Variants in PLCE1 observed in about 807,000 individuals in gnomAD.
PLCE1 encodes the protein 1-phosphatidylinositol 4,5-bisphosphate phosphodiesterase epsilon-1.
Under a neutral mutation model 242.8 loss-of-function variants are expected in PLCE1, and 119 were observed. That is an observed-to-expected ratio of 0.49 (90% confidence interval 0.42 to 0.57). The LOEUF (loss-of-function observed/expected upper bound fraction) is 0.57. PLCE1 is among the 20% of genes least tolerant of loss of function. The pLI, the probability that PLCE1 is intolerant of heterozygous loss-of-function variation, is 0.00. For synonymous variants in PLCE1, 945 were observed against 1,017.4 expected (o/e 0.93, Z 1.35); for missense variants, 2,441 against 2,788.8 (o/e 0.88, Z 2.81).
At chr10:94,219,498 G>A (rs1446406373) in intron 4 of PLCE1, among the ~76,000 whole-genome samples, 1 of 152,132 alleles carries the variant, frequency 6.6e-6, no homozygotes, top group African/African-American at 2.4e-5. Context: ...CCAACAAAAA[G>A]GTTGTCTCTT....
chr10:94,005,152 G>A (rs969472723), intron 1 of PLCE1, among the ~76,000 whole-genome samples: 2 of 152,142 alleles, frequency 1.3e-5, no homozygotes, highest in Non-Finnish European at 2.9e-5. Flanking sequence ...CTGGAAGCAA[G>A]GGCTGCTGGG....
rs10636243 is a variant in PLCE1 at position 94,179,530 on chromosome 10, T to TTTTTA, written c.1809+8034_1809+8035insTTTTA. The stretch of plus-strand genomic sequence containing the variant: ...TAGTTTAGTTTTTTTTTTTTTTTTT[T>TTTTTA]GACAGGGTCTCTGTTGCCCAGGCTG... On this transcript the variant is annotated intron_variant, in intron 4 of 32. Transcript: ENST00000371380. Among the ~76,000 whole-genome samples the TTTTTA allele has an allele frequency of 1.1e-4, 13 of 118,820 alleles. 1 individual carries two copies. Among genetic ancestry groups the TTTTTA allele is most frequent in the African/African-American group, 2.3e-4 (7 of 30,978 alleles). 78.0% of individuals were successfully genotyped at this position (118,820 alleles called of 152,430 possible).
chr10:94,240,840 A>G (rs1245578648), intron 7 of PLCE1, among the ~76,000 whole-genome samples: 1 of 152,170 alleles, frequency 6.6e-6, no homozygotes, highest in Admixed American at 6.5e-5. Context: ...AAGGCATACA[A>G]CCTGAGTTTG....
chr10:94,263,330 A>G (rs2051379921), intron 14 of PLCE1, among the ~76,000 whole-genome samples: 1 of 151,876 alleles, frequency 6.6e-6, no homozygotes, highest in South Asian at 2.1e-4. Flanking sequence ...TCTGGCCAAC[A>G]TGGTGAAACT....
At chr10:94,151,582 C>G (rs1239939723) in intron 3 of PLCE1, among the ~76,000 whole-genome samples, 3 of 152,146 alleles carry the variant, frequency 2.0e-5, no homozygotes, top group Non-Finnish European at 4.4e-5. Context: ...GGTGAGAGGT[C>G]AAAACCAGAG....
intron 2 of PLCE1, among the ~76,000 whole-genome samples, chr10:94,090,311 A>T (rs1053206978): frequency 2.0e-5 from 3 of 152,218 alleles, no homozygotes; most frequent in Non-Finnish European, 2.9e-5. Context: ...TGGCTCACAT[A>T]ATTCTATCTG....
At chr10:94,302,303 G>C (rs1350019624) in intron 24 of PLCE1, among the ~76,000 whole-genome samples, 1 of 152,130 alleles carries the variant, frequency 6.6e-6, no homozygotes, top group African/African-American at 2.4e-5. Context: ...TGGGTTGATA[G>C]GTGCAGCAAA....
Position 94,279,930 on chromosome 10 carries a change from T to G in PLCE1, c.4795+19T>G. On this transcript the variant is annotated intron_variant, in intron 20 of 32. Coordinates refer to ENST00000371380, the MANE Select transcript of PLCE1 (RefSeq NM_016341.4). ...TCTGATGGTAAGAGAAACAGATCCC[T>G]ATGCTGTGCACAGGAAAATTCTTGG... 1 of 1,612,976 alleles carries G rather than the reference T, an allele frequency of 6.2e-7. No individual in the cohort carries two copies. The highest frequency in any genetic ancestry group is 8.5e-7 in the Non-Finnish European group (1 of 1,179,240).
At chr10:94,169,096 T>C (rs1404273556) in intron 3 of PLCE1, among the ~76,000 whole-genome samples, 2 of 152,206 alleles carry the variant, frequency 1.3e-5, no homozygotes, top group Non-Finnish European at 2.9e-5. Flanking sequence ...GTCCAAAAGA[T>C]GTATTAAAAT....
In PLCE1 at chr10:94,250,043, T is replaced by C. The variant is rs186858563; in HGVS notation, c.3097-2273T>C. ...GAGGTAACAGTGCATGGATATTTTT[T>C]AAGGAATCTATTTTCTAATCTTCAA... is the stretch of plus-strand genomic sequence containing the variant. On this transcript the variant is annotated intron_variant, in intron 8 of 32. Coordinates refer to ENST00000371380, the MANE Select transcript of PLCE1 (RefSeq NM_016341.4). Among the ~76,000 whole-genome samples, 13 of 151,638 alleles carry C rather than the reference T, an allele frequency of 8.6e-5. No homozygotes were observed. The East Asian group carries it at 2.3e-3, about 27-fold the overall frequency.
intron 3 of PLCE1, among the ~76,000 whole-genome samples, chr10:94,147,831 A>G (rs1322543730): frequency 6.6e-6 from 1 of 152,204 alleles, no homozygotes; most frequent in African/African-American, 2.4e-5. Flanking sequence ...ATGTAGCACA[A>G]TATAGGAAAC....
intron 1 of PLCE1, among the ~76,000 whole-genome samples, chr10:94,007,405 G>A (rs536060244): frequency 3.3e-5 from 5 of 152,292 alleles, no homozygotes; most frequent in East Asian, 3.9e-4. Context: ...TAGATAAGCA[G>A]TGTAAACAAA....
chr10:94,081,134 C>G (rs1332156308), intron 2 of PLCE1, among the ~76,000 whole-genome samples: 3 of 152,088 alleles, frequency 2.0e-5, no homozygotes, highest in Admixed American at 6.6e-5. Flanking sequence ...TATTGGCTAC[C>G]TGGGCTGCTT....
At chr10:94,156,962 TAGAG>T (rs1304329454) in intron 3 of PLCE1, among the ~76,000 whole-genome samples, 3 of 152,086 alleles carry the variant, frequency 2.0e-5, no homozygotes, top group African/African-American at 7.2e-5. Flanking sequence ...ATTCTTTTCA[TAGAG>T]AGAAGAGCTG....
intron 7 of PLCE1, among the ~76,000 whole-genome samples, chr10:94,240,359 G>A (rs778306599): frequency 1.3e-5 from 2 of 151,980 alleles, no homozygotes; most frequent in African/African-American, 2.4e-5. Context: ...CTCATAGCTA[G>A]CAGGGCCAGG....
intron 1 of PLCE1, among the ~76,000 whole-genome samples, chr10:94,006,415 C>T (rs1589842772): frequency 1.3e-5 from 2 of 152,158 alleles, no homozygotes; most frequent in Admixed American, 6.5e-5. Flanking sequence ...GTGGAAAAAC[C>T]GTGAGCTATG....
intron 26 of PLCE1, among the ~76,000 whole-genome samples, chr10:94,307,271 G>A (rs182888098): frequency 1.2e-4 from 19 of 152,310 alleles, no homozygotes; most frequent in Admixed American, 8.5e-4. Context: ...CATGCAGATC[G>A]TGATTCAGTG....
At chr10:94,197,732 C>T (rs1194448869) in intron 4 of PLCE1, among the ~76,000 whole-genome samples, 2 of 152,086 alleles carry the variant, frequency 1.3e-5, no homozygotes, top group African/African-American at 4.8e-5. Context: ...CCTGTAATCC[C>T]AGCACTTTGG....
At chr10:94,120,470 A>G (rs550776187) in intron 2 of PLCE1, among the ~76,000 whole-genome samples, 30 of 152,210 alleles carry the variant, frequency 2.0e-4, no homozygotes, top group African/African-American at 6.7e-4. Flanking sequence ...TCAACTACTG[A>G]GTTCGTGATC....
Sources: gnomAD v4.1 joint callset for allele counts (sites outside exome capture counted in the v4.1 genomes callset) on GRCh38, gnomAD v4.1.1 for gene constraint, MANE v1.5 for transcripts, NCBI Gene and HGNC (gene_info 2026-07-23, HGNC 2026-07-21) for gene names.